The following NBAS variants were observed in gnomAD, a reference collection of about 807,000 sequenced individuals.
NBAS encodes the protein NBAS subunit of NRZ tethering complex, also known as NAG/BC035112 fusion.
In NBAS, 219 loss-of-function variants were observed where a neutral mutation model predicts 302.5. The ratio of observed to expected loss-of-function variants is 0.72; its 90% CI spans 0.65 to 0.81. The LOEUF (loss-of-function observed/expected upper bound fraction) is 0.81, where lower values mean the gene tolerates loss of function less well. Ranked by LOEUF, NBAS falls within the 30% of genes least tolerant of loss-of-function variation. NBAS has a pLI of 0.00. For synonymous variants in NBAS, 1,118 were observed against 1,021.6 expected, an observed-to-expected ratio of 1.09 and a Z score of -1.80; for missense variants, 2,932 against 2,841.6, an observed-to-expected ratio of 1.03 and a Z score of -0.72.
chr2:14,793,111 A>G, the NBAS span, among the ~76,000 whole-genome samples: 1 of 152,040 alleles, frequency 6.6e-6, no homozygotes, highest in East Asian at 1.9e-4. Context: ...CTATGTATGA[A>G]CAAAGTAAGA....
At chr2:15,272,995 A>G (rs2148047616) in intron 44 of NBAS, among the ~76,000 whole-genome samples, 1 of 152,350 alleles carries the variant, frequency 6.6e-6, no homozygotes, top group African/African-American at 2.4e-5. Flanking sequence ...TCTTATACTT[A>G]ATCATAAATA....
the NBAS span, among the ~76,000 whole-genome samples, chr2:14,869,060 ACT>A: frequency 6.6e-6 from 1 of 151,990 alleles, no homozygotes; most frequent in Admixed American, 6.6e-5. Context: ...AATAGAAAAA[ACT>A]CTACTTTTGT....
At chr2:15,096,370 C>T in the NBAS span, among the ~76,000 whole-genome samples, 1 of 152,180 alleles carries the variant, frequency 6.6e-6, no homozygotes. Context: ...GACATCAAGA[C>T]CCAGCCTCTC....
At chr2:14,791,147 G>A in the NBAS span, among the ~76,000 whole-genome samples, 2 of 151,310 alleles carry the variant, frequency 1.3e-5, no homozygotes, top group Non-Finnish European at 2.9e-5. Flanking sequence ...GAGCCACCAC[G>A]CCGGGCCCTA....
intron 9 of NBAS, among the ~76,000 whole-genome samples, chr2:15,512,109 T>A (rs1335136767): frequency 2.0e-5 from 3 of 152,178 alleles, no homozygotes; most frequent in Non-Finnish European, 2.9e-5. Flanking sequence ...ACCTCCTTCT[T>A]GGCCATACTC....
chr2:14,838,230 T>C, the NBAS span, among the ~76,000 whole-genome samples: 1 of 152,016 alleles, frequency 6.6e-6, no homozygotes, highest in Admixed American at 6.6e-5. Context: ...TTATGTCTCA[T>C]TCTAAAATGC....
chr2:15,071,027 T>A, the NBAS span, among the ~76,000 whole-genome samples: 5 of 152,238 alleles, frequency 3.3e-5, no homozygotes, highest in East Asian at 9.7e-4. Flanking sequence ...ACAAAGCTGG[T>A]GTGGCAGATG....
the NBAS span, among the ~76,000 whole-genome samples, chr2:14,981,062 AG>A: frequency 2.0e-5 from 3 of 147,550 alleles, no homozygotes; most frequent in Non-Finnish European, 4.5e-5. Flanking sequence ...AAAAAATGAG[AG>A]GAAAAAAAAA....
intron 31 of NBAS, among the ~76,000 whole-genome samples, chr2:15,371,068 T>A (rs1007161651): frequency 1.2e-4 from 18 of 152,070 alleles, no homozygotes; most frequent in Admixed American, 7.9e-4. Flanking sequence ...TGGTGGAAGG[T>A]GACTGGATCA....
chr2:14,781,804 A>T, the NBAS span, among the ~76,000 whole-genome samples: 179 of 152,010 alleles, frequency 1.2e-3, no homozygotes, highest in Non-Finnish European at 1.5e-3. Context: ...TAAGATGCAG[A>T]TGTGCAAAAG....
chr2:15,536,301 A>G (rs1306989398), intron 8 of NBAS, 117 bp downstream of exon 8: 1 of 1,218,000 alleles, frequency 8.2e-7, no homozygotes, highest in South Asian at 1.4e-5. Context: ...ATTCCCTATT[A>G]TATTTGCAAT....
intron 25 of NBAS, among the ~76,000 whole-genome samples, chr2:15,404,512 ATTTT>A (rs996825365): frequency 7.0e-6 from 1 of 142,812 alleles, no homozygotes; most frequent in Non-Finnish European, 1.6e-5. Flanking sequence ...TTTTTTTTTA[ATTTT>A]TTTTTTTTTA....
intron 10 of NBAS, among the ~76,000 whole-genome samples, chr2:15,505,565 C>G (rs1317886189): frequency 6.6e-6 from 1 of 152,084 alleles, no homozygotes; most frequent in Non-Finnish European, 1.5e-5. Context: ...CCTCCTGCCA[C>G]CAAAACAAAA....
the NBAS span, among the ~76,000 whole-genome samples, chr2:15,071,112 C>G: frequency 1.3e-5 from 2 of 152,330 alleles, no homozygotes; most frequent in South Asian, 2.1e-4. Flanking sequence ...GACATCAACA[C>G]TCCTCCTCTG....
At chr2:15,238,352 T>G in intron 45 of NBAS, 116 bp downstream of exon 45, 1 of 1,026,196 alleles carries the variant, frequency 9.7e-7, no homozygotes, top group Non-Finnish European at 1.4e-6. Flanking sequence ...TGCGGACAAT[T>G]TTCAAGGATA....
rs541610098 is a variant in NBAS at position 15,167,160 on chromosome 2, C to T, written c.7004G>A (p.Arg2335Gln). The change falls in exon 52 of 52, where the codon CGG becomes CAG. Residue 2335 changes from arginine (R) to glutamine (Q), a missense_variant. Coordinates refer to ENST00000281513, the MANE Select transcript of NBAS (RefSeq NM_015909.4). ...GGCTTCGGCTTCATGGCCGGCCTCC[C>T]GCAGGTGTCTGCCCAGCTCCTCTGC... ...WDAEELGRHL[R>Q]EAGHEAEAGS... The T allele has an allele frequency of 1.5e-5, 24 of 1,614,248 alleles. No homozygotes were observed. The Middle Eastern group carries it at 4.9e-4, about 33-fold the overall frequency.
At chr2:15,167,349 G>C in intron 51 of NBAS, 26 bp from the exon 52 acceptor site, 2 of 1,613,636 alleles carry the variant, frequency 1.2e-6, no homozygotes, top group Non-Finnish European at 1.7e-6. Flanking sequence ...CAGGCACAGC[G>C]TGAGGGGGTG....
the NBAS span, among the ~76,000 whole-genome samples, chr2:14,905,645 A>G: frequency 6.6e-6 from 1 of 152,238 alleles, no homozygotes; most frequent in South Asian, 2.1e-4. Context: ...ACTGAATGCC[A>G]TGTGAGAAAA....
chr2:15,186,837 T>A lies in NBAS; in HGVS notation c.6616A>T (p.Thr2206Ser). Residue 2206 changes from threonine (T) to serine (S), a missense_variant, in exon 50 of 52, where the codon ACC (threonine) becomes TCC (serine). Physicochemically the swap from Thr to Ser is moderately conservative, Grantham distance 58. Coordinates refer to ENST00000281513, the MANE Select transcript of NBAS (RefSeq NM_015909.4). ...PWVRLATVML[T>S]RCTMENKEGL... ...TCCTTGTTCTCCATCGTACATCTGG[T>A]TAGCATCACTGTAGCTAGTCTCACC... 6.2e-7 allele frequency: 1 copy of A among 1,614,022 alleles called. No individual in the cohort carries two copies. Among genetic ancestry groups the A allele is most frequent in the South Asian group, 1.1e-5 (1 of 91,082 alleles).
Sources: gnomAD v4.1 joint callset for allele counts (sites outside exome capture counted in the v4.1 genomes callset) on GRCh38, gnomAD v4.1.1 for gene constraint, MANE v1.5 for transcripts, NCBI Gene and HGNC (gene_info 2026-07-23, HGNC 2026-07-21) for gene names.